The following MICAL3 variants were observed in gnomAD, a reference collection of about 807,000 sequenced individuals.
MICAL3 encodes [F-actin]-monooxygenase MICAL3.
MICAL3 carries 62 observed loss-of-function variants against 207.4 expected under a neutral mutation model. That is an observed-to-expected ratio of 0.30 (90% confidence interval 0.24 to 0.37). The LOEUF (loss-of-function observed/expected upper bound fraction) is 0.37. Among genes scored for constraint, MICAL3 ranks in the 10% least tolerant of loss-of-function variants. The pLI is 1.00. For missense variants in MICAL3, 2,368 were observed against 2,635.6 expected (o/e 0.90, Z 2.22); for synonymous variants, 1,077 against 1,069.3 (o/e 1.01, Z -0.14).
intron 29 of MICAL3, among the ~76,000 whole-genome samples, chr22:17,801,536 C>T (rs981803619): frequency 2.0e-5 from 3 of 152,004 alleles, no homozygotes; most frequent in Admixed American, 6.6e-5. Flanking sequence ...AGCTGCAGTC[C>T]GGGAACCCAG....
chr22:17,986,957 C>T (rs1271411604), intron 1 of MICAL3, among the ~76,000 whole-genome samples: 4 of 151,970 alleles, frequency 2.6e-5, no homozygotes, highest in African/African-American at 7.3e-5. Flanking sequence ...GAATCATTTT[C>T]GACTGGCGTG....
chr22:17,867,045 T>G (rs1927233590), intron 17 of MICAL3, among the ~76,000 whole-genome samples: 1 of 152,184 alleles, frequency 6.6e-6, no homozygotes, highest in Non-Finnish European at 1.5e-5. Context: ...TAAGAGGACC[T>G]AAAAGTCAAA....
intron 17 of MICAL3, among the ~76,000 whole-genome samples, chr22:17,869,596 G>C (rs560924187): frequency 6.6e-6 from 1 of 152,346 alleles, no homozygotes; most frequent in Admixed American, 6.5e-5. Context: ...CCTCCAGAAA[G>C]AGCTGAAGAC....
chr22:17,907,650 G>A (rs943193532), intron 1 of MICAL3, among the ~76,000 whole-genome samples: 8 of 152,156 alleles, frequency 5.3e-5, no homozygotes, highest in Admixed American at 1.3e-4. Context: ...CAGAAGAGCC[G>A]CAGACTCTGG....
chr22:17,884,339 GC>G, intron 16 of MICAL3: 1 of 1,593,360 alleles, frequency 6.3e-7, no homozygotes, highest in Admixed American at 1.8e-5. Context: ...CGGCTGGCTG[GC>G]CCCACGCTCT....
At chr22:18,019,023 C>T (rs1045689923) in intron 1 of MICAL3, among the ~76,000 whole-genome samples, 1 of 152,052 alleles carries the variant, frequency 6.6e-6, no homozygotes. Context: ...GAAACCCTGT[C>T]TGTACAAAAA....
chr22:17,798,920 G>A (rs768116663), intron 29 of MICAL3, among the ~76,000 whole-genome samples: 9 of 151,970 alleles, frequency 5.9e-5, no homozygotes, highest in East Asian at 2.0e-4. Flanking sequence ...TGATCTGCCC[G>A]CCTCGGCCTC....
Position 17,881,201 on chromosome 22 carries a change from T to A in MICAL3, c.2241+4677A>T, listed in dbSNP as rs778436106. 1.4e-5 allele frequency: 22 copies of A among 1,610,462 alleles called. No homozygotes were observed. The South Asian group carries it at 2.2e-4, about 16-fold the overall frequency. Reference sequence around the variant, plus strand: ...AGGAACATGGAGCATGCAGAGAGGATCACCTGCTGGCCGCCATGTGCCCGA... The same window carrying A: ...AGGAACATGGAGCATGCAGAGAGGAACACCTGCTGGCCGCCATGTGCCCGA... On this transcript the variant is annotated intron_variant, in intron 16 of 31. Transcript: ENST00000441493.
intron 1 of MICAL3, among the ~76,000 whole-genome samples, chr22:17,908,063 G>A (rs1602197299): frequency 6.6e-6 from 1 of 152,134 alleles, no homozygotes; most frequent in Admixed American, 6.5e-5. Flanking sequence ...TCGTTTTTGC[G>A]TCACATCTGA....
rs369243067 is a variant in MICAL3 at position 17,822,088 on chromosome 22, C to A, written c.3390G>T (p.Glu1130Asp). Residue 1130 changes from glutamate (E) to aspartate (D), a missense_variant, in exon 24 of 32, where the codon GAG becomes GAT. Around this residue, in one of 4 missense-constraint regions of MICAL3, gnomAD observed 1,770 missense variants for 1,863.2 expected, o/e 0.95. Coordinates refer to ENST00000441493, the MANE Select transcript of MICAL3 (RefSeq NM_015241.3). ...PCPAEGEAEL[E>D]LRVSEDEEKL... Reference sequence around the variant, plus strand: ...TCTCCTCATCTTCCGACACCCTCAGCTCCAGCTCTGCTTCCCCCTCAGCTG... The same window carrying A: ...TCTCCTCATCTTCCGACACCCTCAGATCCAGCTCTGCTTCCCCCTCAGCTG... 2.5e-6 allele frequency: 4 copies of A among 1,613,994 alleles called. No homozygotes were observed. The highest frequency in any genetic ancestry group is 3.4e-6 in the Non-Finnish European group (4 of 1,179,898).
intron 29 of MICAL3, among the ~76,000 whole-genome samples, chr22:17,792,124 G>C (rs1357415343): frequency 6.6e-6 from 1 of 152,240 alleles, no homozygotes; most frequent in Non-Finnish European, 1.5e-5. Flanking sequence ...GTGGCAGGAG[G>C]ACAGAAGGAA....
At chr22:17,851,813 G>A (rs1015099103) in intron 19 of MICAL3, among the ~76,000 whole-genome samples, 3 of 152,210 alleles carry the variant, frequency 2.0e-5, no homozygotes, top group African/African-American at 4.8e-5. Context: ...AGACTACCTC[G>A]AATGGCTCGA....
In MICAL3 at chr22:17,822,188, C is replaced by T. The variant is rs762349537; in HGVS notation, c.3308-18G>A. The T allele has an allele frequency of 6.2e-7, 1 of 1,611,250 alleles. No individual in the cohort carries two copies. The stretch of plus-strand genomic sequence containing the variant: ...GTGCTGATCTGGCAGAGGGAAGGGG[C>T]AGAAGTGGGTGCACACCCTAAGTGA... On this transcript the variant is annotated intron_variant, in intron 23 of 31. Transcript: ENST00000441493.
At chr22:17,843,036 G>C (rs1264049119) in intron 19 of MICAL3, among the ~76,000 whole-genome samples, 2 of 147,826 alleles carry the variant, frequency 1.4e-5, no homozygotes, top group East Asian at 2.0e-4. Flanking sequence ...CAGGAGAATG[G>C]TGTGAACCTG....
At position 17,996,336 on chromosome 22, in the gene MICAL3, C is replaced by T. The variant is rs567727706; in HGVS notation, c.-75+27945G>A. ...GCAGGTGCCTGTAGTCCCAGCTACTCGGGAGGCTGAGGCAGGAGAATGGTG... is the reference window on the plus strand; with the variant it reads ...GCAGGTGCCTGTAGTCCCAGCTACTTGGGAGGCTGAGGCAGGAGAATGGTG... On this transcript the variant is annotated intron_variant, in intron 1 of 31. Transcript: ENST00000441493. Among the ~76,000 whole-genome samples the T allele has an allele frequency of 4.6e-5, 7 of 150,926 alleles. No homozygotes were observed. The East Asian group carries it at 5.9e-4, about 13-fold the overall frequency.
chr22:17,798,522 C>G lies in MICAL3; in HGVS notation c.5651-7221G>C, dbSNP rs867926452. Among the ~76,000 whole-genome samples the G allele has an allele frequency of 5.9e-5, 9 of 152,320 alleles. No homozygotes were observed. In the Middle Eastern group the frequency reaches 0.017, roughly 288 times the overall value. On this transcript the variant is annotated intron_variant, in intron 29 of 31. Transcript: ENST00000441493. ...ACTTTCCTGCCTCTCTGGGCAGCCACGTGCAGCCCTTAGCTTACCAGGGTG... is the reference window on the plus strand; with the variant it reads ...ACTTTCCTGCCTCTCTGGGCAGCCAGGTGCAGCCCTTAGCTTACCAGGGTG...
intron 19 of MICAL3, chr22:17,862,132 T>G: frequency 1.0e-6 from 1 of 985,176 alleles, no homozygotes; most frequent in Non-Finnish European, 1.2e-6. Context: ...CACAAGAGAA[T>G]CAAGTGCCGT....
intron 1 of MICAL3, among the ~76,000 whole-genome samples, chr22:17,956,172 C>T (rs1639298087): frequency 1.3e-5 from 2 of 152,196 alleles, no homozygotes; most frequent in Admixed American, 1.3e-4. Flanking sequence ...CCAACATGTT[C>T]AAGGGTGCTG....
At chr22:17,927,549 C>T (rs574231394) in intron 1 of MICAL3, among the ~76,000 whole-genome samples, 2 of 152,260 alleles carry the variant, frequency 1.3e-5, no homozygotes, top group African/African-American at 4.8e-5. Context: ...GGTCCTGCTT[C>T]ACCTCCACCC....
Sources: gnomAD v4.1 joint callset for allele counts (sites outside exome capture counted in the v4.1 genomes callset) on GRCh38, gnomAD v4.1.1 for gene constraint, gnomAD v4.1.1 regional missense constraint, MANE v1.5 for transcripts, NCBI Gene and HGNC (gene_info 2026-07-23, HGNC 2026-07-21) for gene names.